FOXO1: variants seen among roughly 807,000 people sequenced by gnomAD.
FOXO1 encodes forkhead box protein O1.
A neutral mutation model predicts 44.1 loss-of-function variants in FOXO1; 6 were observed. The observed-to-expected ratio is 0.14, with a 90% CI of 0.07 to 0.27. The LOEUF (loss-of-function observed/expected upper bound fraction) is 0.27. Among genes scored for constraint, FOXO1 ranks in the 10% least tolerant of loss-of-function variants. The probability of loss-of-function intolerance (pLI) is 1.00; values close to 1 mark genes in which losing one functional copy is unlikely to be tolerated. For missense variants in FOXO1, 737 were observed against 888.8 expected, an observed-to-expected ratio of 0.83 and a Z score of 2.17; for synonymous variants, 380 against 362.7, an observed-to-expected ratio of 1.05 and a Z score of -0.54.
At chr13:40,616,199 T>C (rs1391524046) in intron 1 of FOXO1, among the ~76,000 whole-genome samples, 1 of 152,078 alleles carries the variant, frequency 6.6e-6, no homozygotes, top group Non-Finnish European at 1.5e-5. Context: ...ACTTGGAATA[T>C]TTACTCAAAA....
intron 1 of FOXO1, among the ~76,000 whole-genome samples, chr13:40,662,358 G>C (rs1878066265): frequency 6.6e-6 from 1 of 151,762 alleles, no homozygotes; most frequent in Non-Finnish European, 1.5e-5. Context: ...AAAAAAATCA[G>C]AGTTCAAACT....
At chr13:40,621,833 GTTAAA>G in intron 1 of FOXO1, among the ~76,000 whole-genome samples, 1 of 152,212 alleles carries the variant, frequency 6.6e-6, no homozygotes, top group South Asian at 2.1e-4. Context: ...TATTTGAAAT[GTTAAA>G]TTTAATATAC....
chr13:40,605,976 T>C (rs1020477763), intron 1 of FOXO1, among the ~76,000 whole-genome samples: 6 of 151,838 alleles, frequency 4.0e-5, no homozygotes, highest in African/African-American at 1.5e-4. Context: ...TCAACTAATC[T>C]GGGATGACAA....
At chr13:40,641,412 T>C in intron 1 of FOXO1, among the ~76,000 whole-genome samples, 1 of 151,036 alleles carries the variant, frequency 6.6e-6, no homozygotes, top group South Asian at 2.1e-4. Flanking sequence ...TATCTCATTA[T>C]ATATATCATA....
At chr13:40,572,985 A>G (rs1874597788) in intron 1 of FOXO1, among the ~76,000 whole-genome samples, 1 of 152,234 alleles carries the variant, frequency 6.6e-6, no homozygotes, top group Non-Finnish European at 1.5e-5. Context: ...ATGTTTCAGT[A>G]ATGCTGCTTT....
rs893366224 is a variant in FOXO1 at position 40,665,829 on chromosome 13, G to A, written c.384C>T (p.Pro128=). 15 of 1,161,704 alleles carry A rather than the reference G, an allele frequency of 1.3e-5. No individual in the cohort carries two copies. Among genetic ancestry groups the A allele is most frequent in the Admixed American group, 9.5e-5 (2 of 21,028 alleles). 72.0% of individuals were successfully genotyped at this position (1,161,704 alleles called of 1,614,324 possible). The stretch of plus-strand genomic sequence containing the variant: ...CCGGCGGGTGCTGCGACAGCGGCCC[G>A]GGCGGCGGGGGCTGCGGTGGCGCTG... The part of the protein sequence containing the change: ...LHPAPPQPPP[P]GPLSQHPPVP... Residue 128 remains proline, a synonymous_variant, in exon 1 of 3, where the codon CCC becomes CCT. Transcript: ENST00000379561.
intron 1 of FOXO1, among the ~76,000 whole-genome samples, chr13:40,641,337 A>T (rs1877345224): frequency 6.6e-6 from 1 of 152,080 alleles, no homozygotes; most frequent in African/African-American, 2.4e-5. Context: ...AATCATCACC[A>T]CAAACACACC....
At chr13:40,630,847 T>C (rs902924590) in intron 1 of FOXO1, among the ~76,000 whole-genome samples, 2 of 152,172 alleles carry the variant, frequency 1.3e-5, no homozygotes, top group Admixed American at 6.5e-5. Context: ...GGAAGTTGCC[T>C]TAAAGTATAA....
chr13:40,571,328 A>G (rs973598331), intron 1 of FOXO1, among the ~76,000 whole-genome samples: 1 of 152,192 alleles, frequency 6.6e-6, no homozygotes, highest in Non-Finnish European at 1.5e-5. Context: ...CTATGTAACA[A>G]GCCTGCACAT....
rs970585546 is a variant in FOXO1 at position 40,666,059 on chromosome 13, G to T, written c.154C>A (p.Pro52Thr). The T allele has an allele frequency of 8.9e-5, 117 of 1,317,846 alleles. No homozygotes were observed. Among genetic ancestry groups the T allele is most frequent in the Non-Finnish European group, 1.1e-4 (109 of 1,036,696 alleles). 81.6% of individuals were successfully genotyped at this position (1,317,846 alleles called of 1,614,324 possible). Residue 52 changes from proline (P) to threonine (T), a missense_variant, in exon 1 of 3, where the codon CCC (proline) becomes ACC (threonine). Pro to Thr is a conservative substitution (Grantham distance 38). Coordinates refer to ENST00000379561, the MANE Select transcript of FOXO1 (RefSeq NM_002015.4). ...GAGGGCAGGCCCGCCGCGGCGTCGG[G>T]GTTGGCAGCCGCGCTGCCCGACGGC... ...PAPSGSAAAN[P>T]DAAAGLPSAS...
intron 1 of FOXO1, among the ~76,000 whole-genome samples, chr13:40,578,135 G>T (rs972021051): frequency 6.6e-6 from 1 of 152,102 alleles, no homozygotes; most frequent in African/African-American, 2.4e-5. Flanking sequence ...CTAAAGAAAG[G>T]GCAGTGGAGC....
At chr13:40,612,833 G>C (rs557682528) in intron 1 of FOXO1, among the ~76,000 whole-genome samples, 9 of 152,054 alleles carry the variant, frequency 5.9e-5, no homozygotes, top group Non-Finnish European at 1.3e-4. Context: ...GTAGGTATAG[G>C]GAAAAACGTA....
chr13:40,651,473 G>T (rs1877685199), intron 1 of FOXO1, among the ~76,000 whole-genome samples: 1 of 151,890 alleles, frequency 6.6e-6, no homozygotes, highest in Non-Finnish European at 1.5e-5. Context: ...CTAATTACAG[G>T]AATCTTTAAC....
At chr13:40,601,831 G>C (rs1231661497) in intron 1 of FOXO1, among the ~76,000 whole-genome samples, 2 of 152,020 alleles carry the variant, frequency 1.3e-5, no homozygotes, top group African/African-American at 2.4e-5. Flanking sequence ...CTTTGAAATG[G>C]AAATATCACC....
Position 40,666,098 on chromosome 13 carries a change from T to C in FOXO1, c.115A>G (p.Thr39Ala). The C allele has an allele frequency of 7.2e-7, 1 of 1,390,140 alleles. No individual in the cohort carries two copies. Among genetic ancestry groups the C allele is most frequent in the South Asian group, 1.5e-5 (1 of 65,512 alleles). The allele number at this position is 1,390,140 out of a possible 1,614,324, so 86.1% of individuals were successfully genotyped here. A position where few individuals can be genotyped will look rare whatever the true frequency, so the allele number is the denominator to read the frequency against. Residue 39 changes from threonine to alanine, a missense_variant, in exon 1 of 3, where the codon ACC (threonine) becomes GCC (alanine). Thr to Ala is a moderately conservative substitution (Grantham distance 58). Coordinates refer to ENST00000379561, the MANE Select transcript of FOXO1 (RefSeq NM_002015.4). ...CTGCCCGACGGCGCCGGGCTGGAGG[T>C]GGCCGAGTTGGACTGGCTAAACTCC... ...RPEFSQSNSA[T>A]SSPAPSGSAA...
intron 1 of FOXO1, among the ~76,000 whole-genome samples, chr13:40,577,423 G>C (rs1874797172): frequency 6.6e-6 from 1 of 151,998 alleles, no homozygotes; most frequent in African/African-American, 2.4e-5. Flanking sequence ...TGCAACTTAA[G>C]ACAGGGTCTA....
intron 1 of FOXO1, among the ~76,000 whole-genome samples, chr13:40,615,120 C>T (rs890441500): frequency 6.6e-6 from 1 of 152,202 alleles, no homozygotes; most frequent in Non-Finnish European, 1.5e-5. Context: ...CACCTACCAC[C>T]GTGTGGGTTC....
At chr13:40,593,487 T>C (rs1327645038) in intron 1 of FOXO1, among the ~76,000 whole-genome samples, 1 of 152,184 alleles carries the variant, frequency 6.6e-6, no homozygotes, top group Non-Finnish European at 1.5e-5. Flanking sequence ...TCCTAGGTAA[T>C]CTAAAACTGC....
intron 1 of FOXO1, among the ~76,000 whole-genome samples, chr13:40,567,095 T>A (rs2701859): frequency 1.3e-5 from 2 of 151,862 alleles, no homozygotes; most frequent in African/African-American, 4.8e-5. Flanking sequence ...CCACTTGACA[T>A]GCATCTAGCC....
Sources: gnomAD v4.1 joint callset for allele counts (sites outside exome capture counted in the v4.1 genomes callset) on GRCh38, gnomAD v4.1.1 for gene constraint, MANE v1.5 for transcripts, NCBI Gene and HGNC (gene_info 2026-07-23, HGNC 2026-07-21) for gene names.